Variants in PIEZO2 observed in about 807,000 individuals in gnomAD.
PIEZO2 encodes the protein piezo type mechanosensitive ion channel component 2, also known as piezo-type mechanosensitive ion channel component 2.
A neutral mutation model predicts 337.3 loss-of-function variants in PIEZO2; 172 were observed. That is an observed-to-expected ratio of 0.51 (90% CI 0.45 to 0.58). The LOEUF (loss-of-function observed/expected upper bound fraction) is 0.58, where lower values mean the gene tolerates loss of function less well. Ranked by LOEUF, PIEZO2 falls within the 20% of genes least tolerant of loss-of-function variation. The pLI is 0.00. For synonymous variants in PIEZO2, 1,251 were observed against 1,228.5 expected (o/e 1.02, Z -0.38); for missense variants, 3,028 against 3,391.3 (o/e 0.89, Z 2.66).
At chr18:10,693,291 C>T (rs776546107) in intron 47 of PIEZO2, among the ~76,000 whole-genome samples, 15 of 151,738 alleles carry the variant, frequency 9.9e-5, no homozygotes, top group Non-Finnish European at 1.8e-4. Context: ...TAGATTCCAC[C>T]GGATTTTCTA....
chr18:10,881,953 T>C (rs1469960043), intron 4 of PIEZO2, among the ~76,000 whole-genome samples: 3 of 152,206 alleles, frequency 2.0e-5, no homozygotes. Context: ...AGGCTCCTCA[T>C]CATCCCAGGA....
At chr18:10,725,977 A>C (rs1412063752) in intron 36 of PIEZO2, among the ~76,000 whole-genome samples, 3 of 152,186 alleles carry the variant, frequency 2.0e-5, no homozygotes, top group Admixed American at 2.0e-4. Flanking sequence ...GCTCTGGGCA[A>C]GAGGTGGTTT....
rs2039341019 is a variant in PIEZO2 at position 10,789,483 on chromosome 18, G to A, written c.1883-118C>T. 9.0e-6 allele frequency: 11 copies of A among 1,218,036 alleles called. No homozygotes were observed. In the South Asian group the frequency reaches 1.3e-4, roughly 15 times the overall value. The allele number at this position is 1,218,036 out of a possible 1,614,324, so 75.5% of individuals were successfully genotyped here. On this transcript the variant is annotated intron_variant, in intron 14 of 55. Coordinates refer to ENST00000674853, the MANE Select transcript of PIEZO2 (RefSeq NM_001378183.1). Reference sequence around the variant, plus strand: ...ATTTTCTAAGTTATTGTATAATTTGGATGATTTTAGACTATTCTCATAAAC... The same window carrying A: ...ATTTTCTAAGTTATTGTATAATTTGAATGATTTTAGACTATTCTCATAAAC...
chr18:11,059,779 G>C (rs975282569), intron 2 of PIEZO2, among the ~76,000 whole-genome samples: 2 of 152,178 alleles, frequency 1.3e-5, no homozygotes, highest in Non-Finnish European at 2.9e-5. Context: ...GACCTAGAAA[G>C]AGACTTAGAC....
intron 2 of PIEZO2, among the ~76,000 whole-genome samples, chr18:10,992,384 A>T (rs919946425): frequency 9.2e-5 from 14 of 152,202 alleles, no homozygotes; most frequent in Non-Finnish European, 8.8e-5. Context: ...TAAGTGCTTA[A>T]TCCATCTTGA....
rs531052187 is a variant in PIEZO2, at chr18:10,958,448, A to G, written c.286+21087T>C. Among the ~76,000 whole-genome samples, 5 of 152,320 alleles carry G rather than the reference A, an allele frequency of 3.3e-5. No homozygotes were observed. The East Asian group carries it at 9.6e-4, about 29-fold the overall frequency. ...GTAGAAAGTTTCAGTTAGACTGAAG[A>G]CTAAGTGTTTGCAATCTATTGCACT... On this transcript the variant is annotated intron_variant, in intron 3 of 55. Coordinates refer to ENST00000674853, the MANE Select transcript of PIEZO2 (RefSeq NM_001378183.1).
rs777285055 is a variant in PIEZO2, at chr18:10,691,174, C to T, written c.7349+51G>A. The T allele has an allele frequency of 3.8e-6, 6 of 1,566,706 alleles. No individual in the cohort carries two copies. The South Asian group carries it at 7.1e-5, about 19-fold the overall frequency. Reference sequence around the variant, plus strand: ...CCCAGTTGGGAATCAAAATGCCTTTCCACCGCTATTCTTCCCCCATAAGTG... The same window carrying T: ...CCCAGTTGGGAATCAAAATGCCTTTTCACCGCTATTCTTCCCCCATAAGTG... On this transcript the variant is annotated intron_variant, in intron 48 of 55. Coordinates refer to ENST00000674853, the MANE Select transcript of PIEZO2 (RefSeq NM_001378183.1).
intron 55 of PIEZO2, 115 bp from the exon 56 acceptor site, chr18:10,671,894 CA>C (rs2033796405): frequency 1.1e-6 from 1 of 946,512 alleles, no homozygotes; most frequent in South Asian, 2.5e-5. Flanking sequence ...AAGAAATAAG[CA>C]AATCAAATCT....
At chr18:10,995,652 G>C (rs530947792) in intron 2 of PIEZO2, among the ~76,000 whole-genome samples, 24 of 152,292 alleles carry the variant, frequency 1.6e-4, no homozygotes, top group African/African-American at 5.8e-4. Context: ...AGTAGCCCAA[G>C]AGAAGTTTCC....
At chr18:10,675,710 C>T (rs1228389726) in intron 53 of PIEZO2, among the ~76,000 whole-genome samples, 1 of 152,122 alleles carries the variant, frequency 6.6e-6, no homozygotes, top group Non-Finnish European at 1.5e-5. Context: ...TGTGTCCCCA[C>T]CCAAATCTCA....
In PIEZO2 at chr18:10,783,495, G is replaced by A. The variant is rs1459195448; in HGVS notation, c.2492+1289C>T. The stretch of plus-strand genomic sequence containing the variant: ...TTTGTCTATGACTGATATCTTCTAG[G>A]GTTCCCCAAACTTCTAATAACTACT... On this transcript the variant is annotated intron_variant, in intron 17 of 55. Coordinates refer to ENST00000674853, the MANE Select transcript of PIEZO2 (RefSeq NM_001378183.1). The surrounding 1 kb of genome is among the most constrained non-coding windows in gnomAD (Gnocchi z 4.3). Among the ~76,000 whole-genome samples, 1 of 152,088 alleles carries A rather than the reference G, an allele frequency of 6.6e-6. No individual in the cohort carries two copies. The highest frequency in any genetic ancestry group is 2.4e-5 in the African/African-American group (1 of 41,410).
intron 7 of PIEZO2, among the ~76,000 whole-genome samples, chr18:10,841,475 C>A (rs1160994623): frequency 6.6e-6 from 1 of 152,084 alleles, no homozygotes; most frequent in East Asian, 1.9e-4. Context: ...ACAAGAGATC[C>A]TCAATAAGAT....
intron 39 of PIEZO2, among the ~76,000 whole-genome samples, chr18:10,710,382 G>GC (rs985613503): frequency 2.0e-5 from 3 of 151,952 alleles, no homozygotes; most frequent in Middle Eastern, 6.4e-3. Flanking sequence ...TGCCTGACGG[G>GC]CCCCCCCACT....
rs77464811 is a variant in PIEZO2 at position 10,877,914 on chromosome 18, G to A, written c.330-6499C>T. On this transcript the variant is annotated intron_variant, in intron 4 of 55. Transcript: ENST00000674853. This position sits in a 1 kb window ranked among gnomAD's most constrained non-coding sequence, Gnocchi z 5.3. ...CAAATTCCGGCCATACTGAATGCAC[G>A]TACCCAGAACGCGCCAGTGTTTTCC... 3.9e-4 allele frequency among the ~76,000 whole-genome samples: 60 copies of A among 152,102 alleles called. 1 individual carries two copies. In the East Asian group the frequency reaches 0.011, roughly 28 times the overall value.
At chr18:10,915,727 G>A (rs1394793685) in intron 3 of PIEZO2, among the ~76,000 whole-genome samples, 8 of 152,102 alleles carry the variant, frequency 5.3e-5, no homozygotes, top group Admixed American at 5.2e-4. Flanking sequence ...GGACCCCAAG[G>A]CCAATGTTCT....
intron 17 of PIEZO2, among the ~76,000 whole-genome samples, chr18:10,780,844 G>T (rs2038956977): frequency 6.6e-6 from 1 of 151,594 alleles, no homozygotes; most frequent in Non-Finnish European, 1.5e-5. Context: ...TGTATTTTTA[G>T]TAGAGATGGG....
In PIEZO2 at chr18:10,758,074, T is replaced by C; in HGVS notation, c.3818A>G (p.Lys1273Arg). 6.5e-7 allele frequency: 1 copy of C among 1,537,596 alleles called. No individual in the cohort carries two copies. Among genetic ancestry groups the C allele is most frequent in the East Asian group, 2.4e-5 (1 of 40,912 alleles). The change falls in exon 27 of 56, where the codon AAG (lysine) becomes AGG (arginine). Residue 1273 changes from lysine to arginine, a missense_variant. Physicochemically the swap from Lys to Arg is conservative, Grantham distance 26. Coordinates refer to ENST00000674853, the MANE Select transcript of PIEZO2 (RefSeq NM_001378183.1). ...LQRQIFEDEN[K>R]AAVRIMAGDN... ...ACCTGCCATGATTCGCACTGCAGCCTTGTTCTCATCCTCAAAAATCTGCCG... is the reference window on the plus strand; with the variant it reads ...ACCTGCCATGATTCGCACTGCAGCCCTGTTCTCATCCTCAAAAATCTGCCG...
chr18:11,068,089 T>G (rs887784133), intron 1 of PIEZO2, among the ~76,000 whole-genome samples: 1 of 152,094 alleles, frequency 6.6e-6, no homozygotes, highest in African/African-American at 2.4e-5. Flanking sequence ...CCCAGCTAAT[T>G]TTTCATATTT....
chr18:11,066,202 C>T lies in PIEZO2; in HGVS notation c.85G>A (p.Gly29Arg). ...TAGATAAGGTAGACAAAGGAGAGCC[C>T]ATTGTATCGGAATGCACATGCTGTG... ...LAVACAFRYN[G>R]LSFVYLIYLL... Residue 29 changes from glycine to arginine, a missense_variant, in exon 2 of 56, where the codon GGG becomes AGG. Around this residue, in one of 5 missense-constraint regions of PIEZO2, gnomAD observed 542 missense variants for 605.6 expected, o/e 0.89. Coordinates refer to ENST00000674853, the MANE Select transcript of PIEZO2 (RefSeq NM_001378183.1). The T allele has an allele frequency of 2.0e-6, 3 of 1,536,802 alleles. No individual in the cohort carries two copies. The highest frequency in any genetic ancestry group is 2.6e-6 in the Non-Finnish European group (3 of 1,146,636).
Sources: allele counts gnomAD v4.1 joint callset (sites outside exome capture counted in the v4.1 genomes callset), GRCh38; gene constraint gnomAD v4.1.1; regional missense constraint gnomAD v4.1.1; non-coding constraint Gnocchi (gnomAD v3.1); transcripts MANE v1.5; gene names NCBI Gene and HGNC (gene_info 2026-07-23, HGNC 2026-07-21).